The following WASHC2A variants were observed in gnomAD, a reference collection of about 807,000 sequenced individuals.
WASHC2A encodes WASH complex subunit FAM21A.
WASHC2A carries 82 observed loss-of-function variants against 140.3 expected under a neutral mutation model. The ratio of observed to expected loss-of-function variants is 0.58; its 90% CI spans 0.49 to 0.70. The LOEUF is 0.70. Ranked by LOEUF, WASHC2A falls within the 30% of genes least tolerant of loss-of-function variation. WASHC2A has a pLI of 0.00. For missense variants in WASHC2A, 985 were observed against 1,521.8 expected (o/e 0.65, Z 5.87); for synonymous variants, 340 against 560.8 (o/e 0.61, Z 5.56).
rs1454678998 is a variant in WASHC2A at position 50,095,226 on chromosome 10, G to T, written c.1240+19G>T. ...TTTTTAGGTAACATAACTTAGGTTT[G>T]TTTTCTAAAAACTACACAAATACTG... is the stretch of plus-strand genomic sequence containing the variant. On this transcript the variant is annotated intron_variant, in intron 14 of 30. Coordinates refer to ENST00000282633, the MANE Select transcript of WASHC2A (RefSeq NM_001005751.3). 1 of 1,538,740 alleles carries T rather than the reference G, an allele frequency of 6.5e-7. No homozygotes were observed. The highest frequency in any genetic ancestry group is 8.8e-7 in the Non-Finnish European group (1 of 1,134,956).
At chr10:50,124,835 A>G (rs1436729950) in intron 23 of WASHC2A, among the ~76,000 whole-genome samples, 6 of 150,562 alleles carry the variant, frequency 4.0e-5, no homozygotes, top group Non-Finnish European at 7.4e-5. Context: ...TATATAATAT[A>G]TATAACCTGG....
At chr10:50,129,285 A>G in intron 28 of WASHC2A, 134 bp from the exon 29 acceptor site, 9 of 1,485,308 alleles carry the variant, frequency 6.1e-6, no homozygotes, top group Non-Finnish European at 4.6e-6. Flanking sequence ...AACCTCTTCT[A>G]TGTTCTTAGA....
intron 22 of WASHC2A, 108 bp downstream of exon 22, chr10:50,118,166 G>A: frequency 1.8e-6 from 2 of 1,103,794 alleles, no homozygotes; most frequent in Non-Finnish European, 2.7e-6. Flanking sequence ...TGGCCCATTT[G>A]TAGACAGATT....
In WASHC2A at chr10:50,091,545, G is replaced by A. The variant is rs1422924125; in HGVS notation, c.931+27G>A. The stretch of plus-strand genomic sequence containing the variant: ...TGAGCCCCAGCCGCGTTGATGGGGA[G>A]TAGGGGGGGAGTAGTGCAGGGCCCT... On this transcript the variant is annotated intron_variant, in intron 10 of 30. Coordinates refer to ENST00000282633, the MANE Select transcript of WASHC2A (RefSeq NM_001005751.3). 70 of 1,549,592 alleles carry A rather than the reference G, an allele frequency of 4.5e-5. No homozygotes were observed. In the South Asian group the frequency reaches 7.6e-4, roughly 17 times the overall value.
chr10:50,087,357 C>T, intron 8 of WASHC2A, 35 bp downstream of exon 8: 3 of 1,613,628 alleles, frequency 1.9e-6, no homozygotes, highest in Non-Finnish European at 2.5e-6. Flanking sequence ...TTTGTTTTTA[C>T]ATTTTAATTG....
At chr10:50,081,289 G>A (rs1293924842) in intron 5 of WASHC2A, among the ~76,000 whole-genome samples, 1 of 136,040 alleles carries the variant, frequency 7.4e-6, no homozygotes, top group Non-Finnish European at 1.6e-5. Flanking sequence ...ATTTGAATTG[G>A]GGTTTGAAGG....
At chr10:50,105,972 C>T (rs1467288789) in intron 18 of WASHC2A, among the ~76,000 whole-genome samples, 7,000 of 152,136 alleles carry the variant, frequency 0.046, 523 homozygotes, top group African/African-American at 0.16. Flanking sequence ...CTGGCTGCTG[C>T]GGGGGCTCCC....
chr10:50,089,999 A>G (rs1839732710), intron 8 of WASHC2A, among the ~76,000 whole-genome samples: 1 of 150,956 alleles, frequency 6.6e-6, no homozygotes, highest in Non-Finnish European at 1.5e-5. Context: ...AATCCTAGCT[A>G]CTCAGAGGGC....
intron 28 of WASHC2A, among the ~76,000 whole-genome samples, chr10:50,128,811 T>C (rs1444252189): frequency 6.6e-6 from 1 of 152,150 alleles, no homozygotes; most frequent in Admixed American, 6.6e-5. Context: ...GCATCATTGC[T>C]ACTAAGTGAT....
At chr10:50,074,672 T>C (rs1156771975) in intron 3 of WASHC2A, among the ~76,000 whole-genome samples, 1 of 152,112 alleles carries the variant, frequency 6.6e-6, no homozygotes, top group Non-Finnish European at 1.5e-5. Flanking sequence ...TGTAGCACTT[T>C]GGGAGGCCGA....
At chr10:50,092,665 A>G (rs1365285490) in intron 11 of WASHC2A, among the ~76,000 whole-genome samples, 3 of 151,478 alleles carry the variant, frequency 2.0e-5, no homozygotes, top group Non-Finnish European at 4.4e-5. Flanking sequence ...CCAAAAACAA[A>G]CAGAAGCCTT....
chr10:50,079,599 A>G (rs2132417589), intron 4 of WASHC2A, among the ~76,000 whole-genome samples: 1 of 152,298 alleles, frequency 6.6e-6, no homozygotes, highest in South Asian at 2.1e-4. Context: ...GGGTTTTGCC[A>G]TGTTGGCCAG....
chr10:50,117,251 ATAT>A (rs1182455980), intron 21 of WASHC2A, among the ~76,000 whole-genome samples: 24 of 38,332 alleles, frequency 6.3e-4, no homozygotes, highest in Non-Finnish European at 1.1e-3. Context: ...AGAGAGATAA[ATAT>A]TATGCTTATT....
Position 50,117,989 on chromosome 10 carries a change from G to A in WASHC2A, c.2226G>A (p.Val742=). 1 of 1,594,188 alleles carries A rather than the reference G, an allele frequency of 6.3e-7. No homozygotes were observed. Among genetic ancestry groups the A allele is most frequent in the South Asian group, 1.1e-5 (1 of 90,190 alleles). The change falls in exon 22 of 31, where the codon GTG becomes GTA. Residue 742 remains valine, a synonymous_variant. Transcript: ENST00000282633. ...EKEAQLGVKS[V]DKKVESAKES... ...AGGCACAACTTGGAGTGAAGTCTGT[G>A]GATAAGAAGGTTGAGAGTGCCAAGG...
intron 8 of WASHC2A, among the ~76,000 whole-genome samples, chr10:50,087,706 T>A (rs1311435809): frequency 1.1e-4 from 17 of 152,314 alleles, no homozygotes; most frequent in African/African-American, 3.6e-4. Flanking sequence ...CCCTACTGTC[T>A]TAGCACGGTT....
At chr10:50,079,187 C>T (rs1284757557) in intron 4 of WASHC2A, among the ~76,000 whole-genome samples, 2 of 150,264 alleles carry the variant, frequency 1.3e-5, no homozygotes, top group African/African-American at 2.5e-5. Flanking sequence ...GGCACATGGA[C>T]TGTGAATAAG....
rs1844144690 is a variant in WASHC2A at position 50,133,335 on chromosome 10, CA to C, written c.*391del. ...TGGGAACCCTAACTTAGGGCCTGGGCAGGGGAAAGAGAAAGAAGGTGAGAGA... is the reference window on the plus strand; with the variant it reads ...TGGGAACCCTAACTTAGGGCCTGGGCGGGGAAAGAGAAAGAAGGTGAGAGA... On this transcript the variant is annotated 3_prime_UTR_variant, in exon 31 of 31. Transcript: ENST00000282633. 2.0e-6 allele frequency: 1 copy of C among 497,218 alleles called. No individual in the cohort carries two copies. The allele number at this position is 497,218 out of a possible 1,614,324, so 30.8% of individuals were successfully genotyped here.
chr10:50,129,758 C>A lies in WASHC2A; in HGVS notation c.3427C>A (p.Gln1143Lys). 1 of 1,612,030 alleles carries A rather than the reference C, an allele frequency of 6.2e-7. No individual in the cohort carries two copies. The highest frequency in any genetic ancestry group is 1.1e-5 in the South Asian group (1 of 90,982). Residue 1143 changes from glutamine (Q) to lysine (K), a missense_variant, in exon 29 of 31, where the codon CAG becomes AAG. Gln to Lys is a moderately conservative substitution (Grantham distance 53, BLOSUM62 1). Coordinates refer to ENST00000282633, the MANE Select transcript of WASHC2A (RefSeq NM_001005751.3). ...GDIFSTGTGS[Q>K]SVERTKPKAK... is the part of the protein sequence containing the mutation. ...CATCTTTTCCACGGGCACTGGATCT[C>A]AGTCTGTGGAGAGAACAAAACCCAA...
chr10:50,105,119 C>G (rs1471133322), intron 18 of WASHC2A, among the ~76,000 whole-genome samples: 1 of 151,996 alleles, frequency 6.6e-6, no homozygotes, highest in Non-Finnish European at 1.5e-5. Flanking sequence ...TCAACATATA[C>G]CCAATGACCT....
Sources: allele counts gnomAD v4.1 joint callset (sites outside exome capture counted in the v4.1 genomes callset), GRCh38; gene constraint gnomAD v4.1.1; transcripts MANE v1.5; gene names NCBI Gene and HGNC (gene_info 2026-07-23, HGNC 2026-07-21).